The following SNU13 variants were observed in gnomAD, a reference collection of about 807,000 sequenced individuals.
The protein encoded by SNU13 is NHP2-like protein 1.
In SNU13, 2 loss-of-function variants were observed where a neutral mutation model predicts 12.4. The ratio of observed to expected loss-of-function variants is 0.16; its 90% CI spans 0.07 to 0.51. SNU13 has a LOEUF of 0.51. Among genes scored for constraint, SNU13 ranks in the 20% least tolerant of loss-of-function variants. The pLI is 0.96. For missense variants in SNU13, 66 were observed against 157.8 expected (o/e 0.42, Z 3.12); for synonymous variants, 68 against 66.5 (o/e 1.02, Z -0.11).
intron 1 of SNU13, chr22:41,682,712 C>T (rs1049302818): frequency 4.7e-5 from 22 of 466,398 alleles, no homozygotes; most frequent in African/African-American, 4.3e-4. Context: ...ACGGAGTCTC[C>T]CTCTGTCGCC....
intron 1 of SNU13, chr22:41,682,531 G>A: frequency 1.3e-6 from 2 of 1,506,484 alleles, no homozygotes. Context: ...ACACCAGGAC[G>A]CCCTGTCTTC....
chr22:41,689,878 T>C (rs1248747320), upstream of SNU13, among the ~76,000 whole-genome samples: 1 of 150,234 alleles, frequency 6.7e-6, no homozygotes, highest in Non-Finnish European at 1.5e-5. Context: ...CTCGGGAGGT[T>C]GAGGCAGGAG....
chr22:41,688,956 C>T, upstream of SNU13: 2 of 1,363,524 alleles, frequency 1.5e-6, no homozygotes, highest in East Asian at 2.6e-5. Flanking sequence ...CCGCCCTCTA[C>T]GGGGGCACTG....
intron 2 of SNU13, among the ~76,000 whole-genome samples, chr22:41,676,692 A>G (rs1227448059): frequency 1.3e-5 from 2 of 152,222 alleles, no homozygotes; most frequent in Non-Finnish European, 2.9e-5. Flanking sequence ...ATGTATATAC[A>G]TTCTAATCCA....
rs2068196628 is a variant in SNU13 at position 41,674,852 on chromosome 22, ATAC to A, written c.*78_*80del. Reference sequence around the variant, plus strand: ...TTATAACAATAGAGAGTAGCTGAAAATACTACATGCTAACACAGATAATATGAT... The same window carrying A: ...TTATAACAATAGAGAGTAGCTGAAAATACATGCTAACACAGATAATATGAT... On this transcript the variant is annotated 3_prime_UTR_variant, in exon 3 of 3. Coordinates refer to ENST00000401959, the MANE Select transcript of SNU13 (RefSeq NM_001003796.2). 1 of 1,521,548 alleles carries A rather than the reference ATAC, an allele frequency of 6.6e-7. No homozygotes were observed. Among genetic ancestry groups the A allele is most frequent in the African/African-American group, 1.4e-5 (1 of 72,146 alleles). 94.3% of individuals were successfully genotyped at this position (1,521,548 alleles called of 1,614,324 possible). A position where few individuals can be genotyped will look rare whatever the true frequency, so the allele number is the denominator to read the frequency against.
At chr22:41,676,449 C>T (rs139869659) in intron 2 of SNU13, among the ~76,000 whole-genome samples, 2 of 152,206 alleles carry the variant, frequency 1.3e-5, no homozygotes, top group African/African-American at 4.8e-5. Flanking sequence ...ACTTCCCTTA[C>T]TTTTATCATC....
chr22:41,674,959 G>C lies in SNU13; in HGVS notation c.361C>G (p.Gln121Glu), dbSNP rs1486569891. The C allele has an allele frequency of 6.2e-7, 1 of 1,614,020 alleles. No homozygotes were observed. Among genetic ancestry groups the C allele is most frequent in the Non-Finnish European group, 8.5e-7 (1 of 1,179,976 alleles). The stretch of plus-strand genomic sequence containing the variant: ...TAGACTAAGAGCCTTTCAATGGACT[G>C]CTGAATGGATTGGATCTGCTGTTTC... ...QLKQQIQSIQ[Q>E]SIERLLV The change falls in exon 3 of 3, where the codon CAG (glutamine) becomes GAG (glutamate). Residue 121 changes from glutamine (Q) to glutamate (E), a missense_variant. Gln to Glu is a conservative substitution (Grantham distance 29). Coordinates refer to ENST00000401959, the MANE Select transcript of SNU13 (RefSeq NM_001003796.2).
intron 1 of SNU13, among the ~76,000 whole-genome samples, chr22:41,686,071 AT>A (rs1462502053): frequency 1.3e-5 from 2 of 151,882 alleles, no homozygotes; most frequent in Admixed American, 1.3e-4. Context: ...CAGCCTCCCA[AT>A]TTCTGGGATT....
intron 1 of SNU13, among the ~76,000 whole-genome samples, chr22:41,684,472 C>G (rs183314412): frequency 2.1e-4 from 32 of 152,212 alleles, no homozygotes; most frequent in Admixed American, 1.7e-3. Context: ...TTTCTTCCCC[C>G]CTCTGCCCTT....
chr22:41,681,394 T>C (rs2068261663), intron 1 of SNU13: 1 of 152,218 alleles, frequency 6.6e-6, no homozygotes, highest in Admixed American at 6.6e-5. Flanking sequence ...TTTTCAAATA[T>C]GTAAAATATC....
At chr22:41,677,386 G>T (rs2068223314) in intron 2 of SNU13, among the ~76,000 whole-genome samples, 1 of 152,040 alleles carries the variant, frequency 6.6e-6, no homozygotes, top group Non-Finnish European at 1.5e-5. Flanking sequence ...TTAGCCAGGT[G>T]TGGTGGCGTA....
intron 1 of SNU13, among the ~76,000 whole-genome samples, chr22:41,686,595 C>T (rs1056443304): frequency 4.6e-5 from 7 of 150,850 alleles, no homozygotes; most frequent in Non-Finnish European, 1.0e-4. Flanking sequence ...CTACCACGTC[C>T]GGCCATACAA....
chr22:41,684,002 A>C (rs1601574922), intron 1 of SNU13, among the ~76,000 whole-genome samples: 1 of 152,034 alleles, frequency 6.6e-6, no homozygotes, highest in Admixed American at 6.5e-5. Context: ...TCCTGGGTTC[A>C]AGCAATTCTC....
chr22:41,684,927 G>C (rs1352302962), intron 1 of SNU13, among the ~76,000 whole-genome samples: 2 of 152,056 alleles, frequency 1.3e-5, no homozygotes, highest in African/African-American at 4.8e-5. Context: ...GGCCAAGGTG[G>C]GTGGCTCTCT....
In SNU13 at chr22:41,674,871, A is replaced by G. The variant is rs1201951330; in HGVS notation, c.*62T>C. The G allele has an allele frequency of 5.1e-6, 8 of 1,578,900 alleles. No homozygotes were observed. The highest frequency in any genetic ancestry group is 6.9e-6 in the Non-Finnish European group (8 of 1,158,330). On this transcript the variant is annotated 3_prime_UTR_variant, in exon 3 of 3. Transcript: ENST00000401959. ...CTGAAAATACTACATGCTAACACAG[A>G]TAATATGATACACAACCTCAGGGGG...
chr22:41,684,607 TTTAAC>T (rs2147140046), intron 1 of SNU13, among the ~76,000 whole-genome samples: 1 of 152,376 alleles, frequency 6.6e-6, no homozygotes, highest in East Asian at 1.9e-4. Context: ...GTTACTAATT[TTTAAC>T]TTATTTCCTT....
chr22:41,688,665 C>T (rs2068332566), intron 1 of SNU13, 129 bp downstream of exon 1: 1 of 1,314,092 alleles, frequency 7.6e-7, no homozygotes, highest in Non-Finnish European at 1.0e-6. Context: ...TAACTAAGGG[C>T]CCGGCGGTTA....
intron 2 of SNU13, among the ~76,000 whole-genome samples, chr22:41,675,489 T>C (rs2068204197): frequency 6.6e-6 from 1 of 152,086 alleles, no homozygotes; most frequent in African/African-American, 2.4e-5. Flanking sequence ...TGGTGCGATC[T>C]TGGCTCACTT....
intron 1 of SNU13, among the ~76,000 whole-genome samples, chr22:41,684,063 C>T (rs1207106696): frequency 1.3e-5 from 2 of 152,202 alleles, no homozygotes; most frequent in African/African-American, 2.4e-5. Context: ...GTCACCACAC[C>T]GGGCTAATTT....
Sources: allele counts gnomAD v4.1 joint callset (sites outside exome capture counted in the v4.1 genomes callset), GRCh38; gene constraint gnomAD v4.1.1; transcripts MANE v1.5; gene names NCBI Gene and HGNC (gene_info 2026-07-23, HGNC 2026-07-21).